Variants in CMC1 observed in about 807,000 individuals in gnomAD.
CMC1 encodes the protein COX assembly mitochondrial protein homolog.
Under a neutral mutation model 14.1 loss-of-function variants are expected in CMC1, and 14 were observed. The ratio of observed to expected loss-of-function variants is 0.99; its 90% CI spans 0.66 to 1.55. The LOEUF is 1.55. Ranked by LOEUF, CMC1 falls within the 40% of genes most tolerant of loss-of-function variation. The pLI is 0.00. For synonymous variants in CMC1, 50 were observed against 38.4 expected (o/e 1.30, Z -1.12); for missense variants, 127 against 123.8 (o/e 1.03, Z -0.12).
chr3:28,259,819 G>T (rs1346048957), intron 1 of CMC1, among the ~76,000 whole-genome samples: 1 of 151,994 alleles, frequency 6.6e-6, no homozygotes, highest in Non-Finnish European at 1.5e-5. Flanking sequence ...CTAGATTATA[G>T]ATCTTTTCAG....
At chr3:28,302,077 CA>C in intron 2 of CMC1, among the ~76,000 whole-genome samples, 1 of 152,188 alleles carries the variant, frequency 6.6e-6, no homozygotes, top group East Asian at 1.9e-4. Flanking sequence ...AAGTCTAGAA[CA>C]AGACAGCTGG....
chr3:28,253,624 C>G (rs912314568), intron 1 of CMC1: 1 of 520,096 alleles, frequency 1.9e-6, no homozygotes, highest in African/African-American at 2.1e-5. Flanking sequence ...AAAAACTCCC[C>G]CCAAAAAGCT....
At chr3:28,259,957 T>A (rs936946787) in intron 1 of CMC1, among the ~76,000 whole-genome samples, 18 of 152,268 alleles carry the variant, frequency 1.2e-4, no homozygotes, top group African/African-American at 3.8e-4. Flanking sequence ...AGCTAGAAGA[T>A]TTTTTGTAGA....
intron 2 of CMC1, among the ~76,000 whole-genome samples, chr3:28,310,905 A>C (rs1335753085): frequency 6.6e-6 from 1 of 152,048 alleles, no homozygotes; most frequent in Non-Finnish European, 1.5e-5. Flanking sequence ...ACAATTCTTC[A>C]CAAGAGGGTT....
intron 1 of CMC1, among the ~76,000 whole-genome samples, chr3:28,256,739 G>A (rs536358642): frequency 2.0e-4 from 30 of 152,292 alleles, no homozygotes; most frequent in Admixed American, 1.8e-3. Flanking sequence ...GTGACAACTT[G>A]AAAAGATTTT....
chr3:28,309,821 C>CCCCACACACACACA (rs748593868), intron 2 of CMC1, among the ~76,000 whole-genome samples: 1 of 131,792 alleles, frequency 7.6e-6, no homozygotes, highest in Non-Finnish European at 1.6e-5. Flanking sequence ...CTGATATTTA[C>CCCCACACACACACA]CACACACACA....
At chr3:28,307,311 G>T (rs1318261504) in intron 2 of CMC1, among the ~76,000 whole-genome samples, 2 of 152,080 alleles carry the variant, frequency 1.3e-5, no homozygotes, top group Non-Finnish European at 2.9e-5. Context: ...ATTGTTTGAG[G>T]CTAGGAGTTC....
chr3:28,286,261 T>C, intron 2 of CMC1, among the ~76,000 whole-genome samples: 1 of 152,216 alleles, frequency 6.6e-6, no homozygotes, highest in East Asian at 1.9e-4. Context: ...CAGTACTTCT[T>C]TCTAATGAAA....
chr3:28,287,714 A>G (rs965767707), intron 2 of CMC1, among the ~76,000 whole-genome samples: 2 of 151,770 alleles, frequency 1.3e-5, no homozygotes, highest in African/African-American at 4.8e-5. Context: ...TTACCGTTAT[A>G]TTGAGCTTTT....
intron 1 of CMC1, 28 bp downstream of exon 1, chr3:28,241,840 G>A (rs900549594): frequency 2.5e-5 from 31 of 1,236,326 alleles, no homozygotes; most frequent in Non-Finnish European, 2.6e-5. Flanking sequence ...GGGGTTTGCC[G>A]AGGGGCCTCG....
intron 1 of CMC1, among the ~76,000 whole-genome samples, chr3:28,244,060 A>G (rs935022022): frequency 2.0e-5 from 3 of 152,300 alleles, no homozygotes; most frequent in Middle Eastern, 3.4e-3. Flanking sequence ...GGGGATCCAT[A>G]AGGAAAGATA....
At chr3:28,310,940 T>A (rs535428641) in intron 2 of CMC1, among the ~76,000 whole-genome samples, 2 of 152,322 alleles carry the variant, frequency 1.3e-5, no homozygotes, top group South Asian at 4.1e-4. Flanking sequence ...AATCTAATGC[T>A]GCTGCTGATC....
chr3:28,263,175 G>GT (rs1699821420), intron 1 of CMC1, 116 bp from the exon 2 acceptor site: 4 of 687,480 alleles, frequency 5.8e-6, no homozygotes, highest in Non-Finnish European at 2.5e-6. Context: ...TCATAAGGTT[G>GT]TAAGTTTTGA....
chr3:28,286,301 C>G (rs1180520925), intron 2 of CMC1, among the ~76,000 whole-genome samples: 1 of 152,100 alleles, frequency 6.6e-6, no homozygotes, highest in Non-Finnish European at 1.5e-5. Context: ...CAGCAAGGAA[C>G]CTCTTGACAT....
chr3:28,262,349 A>G (rs965645643), intron 1 of CMC1, among the ~76,000 whole-genome samples: 2 of 152,042 alleles, frequency 1.3e-5, no homozygotes, highest in African/African-American at 4.8e-5. Flanking sequence ...ATAATCTAAA[A>G]TCTTCTTTCC....
chr3:28,252,545 C>G (rs1389202288), intron 1 of CMC1, among the ~76,000 whole-genome samples: 1 of 152,158 alleles, frequency 6.6e-6, no homozygotes, highest in Non-Finnish European at 1.5e-5. Context: ...TCAGAATTCC[C>G]TTTGATTTTA....
chr3:28,264,254 A>C (rs1699890899), intron 2 of CMC1, among the ~76,000 whole-genome samples: 2 of 152,164 alleles, frequency 1.3e-5, no homozygotes, highest in Non-Finnish European at 2.9e-5. Flanking sequence ...GATGGGCTGC[A>C]CTTCCACTGC....
intron 1 of CMC1, among the ~76,000 whole-genome samples, chr3:28,246,704 C>T (rs1050717653): frequency 1.3e-5 from 2 of 151,616 alleles, no homozygotes; most frequent in Non-Finnish European, 2.9e-5. Flanking sequence ...CGTATTTTCT[C>T]TGTTTTGCAA....
intron 2 of CMC1, among the ~76,000 whole-genome samples, chr3:28,313,282 C>T (rs1702731766): frequency 6.6e-6 from 1 of 152,136 alleles, no homozygotes; most frequent in African/African-American, 2.4e-5. Flanking sequence ...ATACTGAGTG[C>T]TCATTACTTT....
Sources: gnomAD v4.1 joint callset for allele counts (sites outside exome capture counted in the v4.1 genomes callset) on GRCh38, gnomAD v4.1.1 for gene constraint, MANE v1.5 for transcripts, NCBI Gene and HGNC (gene_info 2026-07-23, HGNC 2026-07-21) for gene names.